KIAA1328: variants seen among roughly 807,000 people sequenced by gnomAD.
KIAA1328 encodes protein hinderin.
KIAA1328 carries 52 observed loss-of-function variants against 68.1 expected under a neutral mutation model. The ratio of observed to expected loss-of-function variants is 0.76; its 90% CI spans 0.61 to 0.96. The LOEUF (loss-of-function observed/expected upper bound fraction) is 0.96. KIAA1328 is among the 40% of genes least tolerant of loss of function. The pLI is 0.00. For synonymous variants in KIAA1328, 232 were observed against 239.4 expected, an observed-to-expected ratio of 0.97 and a Z score of 0.28; for missense variants, 641 against 677.6, an observed-to-expected ratio of 0.95 and a Z score of 0.60.
At chr18:36,873,593 G>C (rs973512965) in intron 4 of KIAA1328, among the ~76,000 whole-genome samples, 1 of 152,146 alleles carries the variant, frequency 6.6e-6, no homozygotes, top group African/African-American at 2.4e-5. Flanking sequence ...TCACTGGTTT[G>C]TATTGTAGAG....
At chr18:36,885,029 C>G (rs1471960515) in intron 4 of KIAA1328, among the ~76,000 whole-genome samples, 1 of 151,676 alleles carries the variant, frequency 6.6e-6, no homozygotes, top group Non-Finnish European at 1.5e-5. Context: ...TTACTGTCAT[C>G]TTTTTATTTA....
Position 36,829,171 on chromosome 18 carries a change from T to A in KIAA1328, c.33T>A (p.Ser11Arg), listed in dbSNP as rs1387133116. MADVAGPSRP[S>R]AAAFWSRDFS... is the part of the protein sequence containing the mutation. ...ACGTGGCGGGCCCCTCCCGCCCCAG[T>A]GCCGCGGCGTTCTGGAGCCGGGACT... is the stretch of plus-strand genomic sequence containing the variant. The change falls in exon 1 of 10, where the codon AGT becomes AGA. Residue 11 changes from serine to arginine, a missense_variant. Physicochemically the swap from Ser to Arg is moderately radical, Grantham distance 110 (BLOSUM62 -1). Transcript: ENST00000280020. 6.5e-7 allele frequency: 1 copy of A among 1,532,658 alleles called. No homozygotes were observed. The highest frequency in any genetic ancestry group is 1.4e-5 in the African/African-American group (1 of 71,254). The allele number at this position is 1,532,658 out of a possible 1,614,324, so 94.9% of individuals were successfully genotyped here.
chr18:36,989,088 G>T (rs554672771), intron 6 of KIAA1328, among the ~76,000 whole-genome samples: 2 of 152,076 alleles, frequency 1.3e-5, no homozygotes, highest in Non-Finnish European at 2.9e-5. Context: ...TTGCCTATTT[G>T]GTAATGCCTT....
At chr18:37,205,467 G>T (rs1009775968) in intron 9 of KIAA1328, among the ~76,000 whole-genome samples, 8 of 152,120 alleles carry the variant, frequency 5.3e-5, no homozygotes, top group Non-Finnish European at 8.8e-5. Flanking sequence ...TTTCTGTCCT[G>T]CCATCAGACA....
chr18:36,925,263 A>G (rs1179232728), intron 5 of KIAA1328, among the ~76,000 whole-genome samples: 2 of 152,154 alleles, frequency 1.3e-5, no homozygotes, highest in East Asian at 1.9e-4. Flanking sequence ...ATAAAGATAT[A>G]TAATGGCAGA....
At chr18:37,034,985 A>T (rs1383475568) in intron 6 of KIAA1328, among the ~76,000 whole-genome samples, 1 of 152,248 alleles carries the variant, frequency 6.6e-6, no homozygotes, top group East Asian at 1.9e-4. Flanking sequence ...ATAGACCACC[A>T]TGCAAGACCT....
In KIAA1328 at chr18:37,067,549, A is replaced by T; in HGVS notation, c.1232+4A>T. On this transcript the variant is annotated splice_donor_region_variant and intron_variant, in intron 7 of 9. Coordinates refer to ENST00000280020, the MANE Select transcript of KIAA1328 (RefSeq NM_020776.3). Reference sequence around the variant, plus strand: ...AGTCTCGACTGGATTACAATTGGTGAGTACTGCCTGTTCTTTTTTTTTTTT... The same window carrying T: ...AGTCTCGACTGGATTACAATTGGTGTGTACTGCCTGTTCTTTTTTTTTTTT... 3.4e-6 allele frequency: 5 copies of T among 1,477,870 alleles called. No homozygotes were observed. Among genetic ancestry groups the T allele is most frequent in the East Asian group, 2.5e-5 (1 of 40,352 alleles). 91.5% of individuals were successfully genotyped at this position (1,477,870 alleles called of 1,614,324 possible). A position where few individuals can be genotyped will look rare whatever the true frequency, so the allele number is the denominator to read the frequency against.
intron 4 of KIAA1328, among the ~76,000 whole-genome samples, chr18:36,866,574 A>G (rs993932047): frequency 5.3e-5 from 8 of 152,204 alleles, no homozygotes; most frequent in Non-Finnish European, 1.0e-4. Flanking sequence ...CATTATATTT[A>G]TATACTTTTT....
chr18:37,212,892 A>G (rs2060344528), intron 9 of KIAA1328, among the ~76,000 whole-genome samples: 1 of 151,846 alleles, frequency 6.6e-6, no homozygotes, highest in African/African-American at 2.4e-5. Context: ...AGCTAATTGT[A>G]TTTTTGTAGA....
intron 4 of KIAA1328, 116 bp downstream of exon 4, chr18:36,844,418 A>T (rs981293983): frequency 6.8e-6 from 4 of 591,292 alleles, no homozygotes; most frequent in East Asian, 6.9e-5. Context: ...GGTAGCAAAG[A>T]GTTTTGGAAA....
At chr18:36,932,040 GT>G (rs1406513507) in intron 5 of KIAA1328, among the ~76,000 whole-genome samples, 2 of 151,126 alleles carry the variant, frequency 1.3e-5, no homozygotes, top group East Asian at 3.9e-4. Flanking sequence ...CTTTCTATCA[GT>G]TTATTTTACA....
chr18:37,100,345 C>T (rs888454600), intron 7 of KIAA1328, among the ~76,000 whole-genome samples: 3 of 152,216 alleles, frequency 2.0e-5, no homozygotes, highest in Non-Finnish European at 4.4e-5. Context: ...TTCCAATGGT[C>T]TTAGCAAACG....
intron 7 of KIAA1328, among the ~76,000 whole-genome samples, chr18:37,096,050 A>G (rs560631380): frequency 2.0e-5 from 3 of 152,266 alleles, no homozygotes; most frequent in South Asian, 4.1e-4. Flanking sequence ...GCTGTATTCT[A>G]TCAATCTTAT....
intron 7 of KIAA1328, among the ~76,000 whole-genome samples, chr18:37,071,055 TC>T (rs2056509062): frequency 7.1e-6 from 1 of 141,814 alleles, no homozygotes; most frequent in African/African-American, 2.7e-5. Context: ...ATTTTTTTCT[TC>T]CTTTTTTTTT....
At chr18:36,924,045 A>T (rs1205359056) in intron 5 of KIAA1328, 4 of 152,240 alleles carry the variant, frequency 2.6e-5, no homozygotes, top group Admixed American at 2.6e-4. Context: ...GATTTACCCT[A>T]GGGGACACCA....
intron 5 of KIAA1328, among the ~76,000 whole-genome samples, chr18:36,911,222 A>G (rs962420285): frequency 6.6e-6 from 1 of 152,150 alleles, no homozygotes; most frequent in Non-Finnish European, 1.5e-5. Context: ...ACTAATGCCT[A>G]GGTTTAGTTT....
intron 7 of KIAA1328, among the ~76,000 whole-genome samples, chr18:37,090,133 A>G (rs1034634155): frequency 6.6e-6 from 1 of 152,250 alleles, no homozygotes; most frequent in Non-Finnish European, 1.5e-5. Flanking sequence ...GTAATTGTCT[A>G]TAATTAACTC....
chr18:37,143,089 G>A (rs1475047038), intron 7 of KIAA1328, among the ~76,000 whole-genome samples: 3 of 151,850 alleles, frequency 2.0e-5, no homozygotes, highest in Non-Finnish European at 4.4e-5. Flanking sequence ...GCACTAGCTG[G>A]GATTACAGGC....
At chr18:36,957,439 C>A (rs2051465942) in intron 5 of KIAA1328, among the ~76,000 whole-genome samples, 1 of 152,104 alleles carries the variant, frequency 6.6e-6, no homozygotes, top group South Asian at 2.1e-4. Context: ...TTGGGTAGGA[C>A]TATTTGTCTC....
Sources: allele counts gnomAD v4.1 joint callset (sites outside exome capture counted in the v4.1 genomes callset), GRCh38; gene constraint gnomAD v4.1.1; transcripts MANE v1.5; gene names NCBI Gene and HGNC (gene_info 2026-07-23, HGNC 2026-07-21).